MITF: variants seen among roughly 807,000 people sequenced by gnomAD.
The protein encoded by MITF is microphthalmia-associated transcription factor.
A neutral mutation model predicts 60.5 loss-of-function variants in MITF; 17 were observed. The observed-to-expected ratio is 0.28, with a 90% CI of 0.19 to 0.42. The LOEUF is 0.42. Among genes scored for constraint, MITF ranks in the 10% least tolerant of loss-of-function variants. The probability of loss-of-function intolerance (pLI) is 1.00; values close to 1 mark genes in which losing one functional copy is unlikely to be tolerated. For missense variants in MITF, 622 were observed against 683.5 expected (o/e 0.91, Z 1.00); for synonymous variants, 260 against 248.5 (o/e 1.05, Z -0.43).
intron 1 of MITF, among the ~76,000 whole-genome samples, chr3:69,869,582 C>G (rs1186080886): frequency 1.3e-5 from 2 of 152,172 alleles, no homozygotes; most frequent in East Asian, 3.9e-4. Flanking sequence ...TGACAAAATT[C>G]ACATTCTCTT....
chr3:69,784,384 C>T (rs1256675235), intron 1 of MITF, among the ~76,000 whole-genome samples: 1 of 152,074 alleles, frequency 6.6e-6, no homozygotes, highest in Admixed American at 6.6e-5. Flanking sequence ...ATAGAGGCTA[C>T]TTTTTGGGGT....
chr3:69,936,031 G>A (rs1346735374), intron 2 of MITF, among the ~76,000 whole-genome samples: 1 of 152,148 alleles, frequency 6.6e-6, no homozygotes, highest in Non-Finnish European at 1.5e-5. Flanking sequence ...TGTGTGCTAT[G>A]TTCTATTTAG....
Position 69,915,598 on chromosome 3 carries a change from T to G in MITF, c.355-22224T>G, listed in dbSNP as rs973553106. Reference sequence around the variant, plus strand: ...AAAACCATAACCCTATGTCAGAGTTTTTAATAGCTAGCAACAATAAGCAAC... The same window carrying G: ...AAAACCATAACCCTATGTCAGAGTTGTTAATAGCTAGCAACAATAAGCAAC... On this transcript the variant is annotated intron_variant, in intron 2 of 9. Coordinates refer to ENST00000352241, the MANE Select transcript of MITF (RefSeq NM_001354604.2). Among the ~76,000 whole-genome samples, 6 of 152,096 alleles carry G rather than the reference T, an allele frequency of 3.9e-5. No individual in the cohort carries two copies. In the East Asian group the frequency reaches 1.2e-3, roughly 29 times the overall value.
At chr3:69,891,591 G>T (rs1334763575) in intron 2 of MITF, among the ~76,000 whole-genome samples, 1 of 152,204 alleles carries the variant, frequency 6.6e-6, no homozygotes, top group Non-Finnish European at 1.5e-5. Flanking sequence ...GCTCATGTTT[G>T]AGAATCACTG....
chr3:69,939,301 A>G (rs1370110498), intron 4 of MITF, 120 bp downstream of exon 4: 3 of 773,568 alleles, frequency 3.9e-6, no homozygotes, highest in Admixed American at 2.5e-5. Context: ...TTTTTTTTTT[A>G]TAGAGAAAGC....
At chr3:69,865,696 A>G (rs1265032948) in intron 1 of MITF, among the ~76,000 whole-genome samples, 3 of 152,138 alleles carry the variant, frequency 2.0e-5, no homozygotes, top group Non-Finnish European at 2.9e-5. Context: ...GTCTGAGGGT[A>G]AGGAATGCTG....
At chr3:69,906,931 T>A (rs977145468) in intron 2 of MITF, among the ~76,000 whole-genome samples, 11 of 152,178 alleles carry the variant, frequency 7.2e-5, no homozygotes, top group Middle Eastern at 3.2e-3. Context: ...CAGCTTTTTT[T>A]AATTGGCTAC....
chr3:69,854,167 A>G (rs2063875530), intron 1 of MITF, among the ~76,000 whole-genome samples: 1 of 152,050 alleles, frequency 6.6e-6, no homozygotes, highest in Non-Finnish European at 1.5e-5. Context: ...CCTCTTAATC[A>G]TTAATCCCTG....
At chr3:69,842,696 T>G (rs1176884105) in intron 1 of MITF, among the ~76,000 whole-genome samples, 1 of 152,132 alleles carries the variant, frequency 6.6e-6, no homozygotes, top group Non-Finnish European at 1.5e-5. Flanking sequence ...TATGCTCAAG[T>G]TGTTTACTGT....
intron 1 of MITF, among the ~76,000 whole-genome samples, chr3:69,835,651 T>A (rs770490356): frequency 1.8e-4 from 27 of 152,206 alleles, no homozygotes; most frequent in Non-Finnish European, 1.2e-4. Flanking sequence ...TTGATTTTTG[T>A]ATATGGTGAG....
intron 1 of MITF, among the ~76,000 whole-genome samples, chr3:69,861,191 G>A (rs2107212064): frequency 6.6e-6 from 1 of 152,250 alleles, no homozygotes; most frequent in South Asian, 2.1e-4. Flanking sequence ...TTAATTAAAT[G>A]CTACCCTCAA....
intron 2 of MITF, among the ~76,000 whole-genome samples, chr3:69,883,857 C>A (rs1423271584): frequency 6.6e-6 from 1 of 152,120 alleles, no homozygotes; most frequent in Non-Finnish European, 1.5e-5. Context: ...ATACTTATGA[C>A]CCTTGTAGTT....
chr3:69,793,268 G>C (rs960522287), intron 1 of MITF, among the ~76,000 whole-genome samples: 9 of 151,960 alleles, frequency 5.9e-5, no homozygotes, highest in African/African-American at 2.2e-4. Flanking sequence ...TGCCTGCTTC[G>C]GCCTCCCAAA....
intron 2 of MITF, among the ~76,000 whole-genome samples, chr3:69,905,823 T>A (rs959783629): frequency 6.6e-6 from 1 of 152,148 alleles, no homozygotes; most frequent in Non-Finnish European, 1.5e-5. Context: ...TGCAAATCAT[T>A]TGCCTGTTTC....
At chr3:69,861,775 C>T (rs1392333617) in intron 1 of MITF, among the ~76,000 whole-genome samples, 3 of 152,094 alleles carry the variant, frequency 2.0e-5, no homozygotes, top group African/African-American at 4.8e-5. Context: ...AAGGGCCTTT[C>T]GGTGGCATGT....
rs1426893400 is a variant in MITF, at chr3:69,812,067, G to C, written c.105-67067G>C. Reference sequence around the variant, plus strand: ...GTCCTTATGCAACCCCAGATGCTTTGAGTAGAACATTAGATTAGTAGAAAC... The same window carrying C: ...GTCCTTATGCAACCCCAGATGCTTTCAGTAGAACATTAGATTAGTAGAAAC... On this transcript the variant is annotated intron_variant, in intron 1 of 9. Transcript: ENST00000352241. 2.0e-5 allele frequency among the ~76,000 whole-genome samples: 3 copies of C among 147,138 alleles called. No homozygotes were observed. The East Asian group carries it at 6.1e-4, about 30-fold the overall frequency.
chr3:69,757,997 ATGTGTGTGTGTGTGTGTGTGTG>A (rs60250386), intron 1 of MITF, among the ~76,000 whole-genome samples: 3 of 116,052 alleles, frequency 2.6e-5, no homozygotes, highest in South Asian at 3.0e-4. Flanking sequence ...ACCCTAGGGC[ATGTGTGTGTGTGTGTGTGTGTG>A]TGTGTGTGTG....
intron 1 of MITF, among the ~76,000 whole-genome samples, chr3:69,848,007 A>G (rs1374352228): frequency 1.3e-5 from 2 of 152,236 alleles, no homozygotes. Flanking sequence ...ATTTCATGAA[A>G]AAATTCTTGT....
intron 6 of MITF, 43 bp downstream of exon 6, chr3:69,949,211 C>T (rs2066179123): frequency 7.0e-7 from 1 of 1,427,222 alleles, no homozygotes. Flanking sequence ...GATTTCTGTC[C>T]ATTTCCTGAT....
Sources: allele counts gnomAD v4.1 joint callset (sites outside exome capture counted in the v4.1 genomes callset), GRCh38; gene constraint gnomAD v4.1.1; transcripts MANE v1.5; gene names NCBI Gene and HGNC (gene_info 2026-07-23, HGNC 2026-07-21).